LRRC4C: variants seen among roughly 807,000 people sequenced by gnomAD.
LRRC4C encodes leucine rich repeat containing 4C.
In LRRC4C, 5 loss-of-function variants were observed where a neutral mutation model predicts 33.6. The ratio of observed to expected loss-of-function variants is 0.15; its 90% confidence interval spans 0.08 to 0.31. The LOEUF (loss-of-function observed/expected upper bound fraction) is 0.31. LRRC4C is among the 10% of genes least tolerant of loss of function. LRRC4C has a pLI of 1.00. For missense variants in LRRC4C, 560 were observed against 796.7 expected, an observed-to-expected ratio of 0.70 and a Z score of 3.58; for synonymous variants, 329 against 302.0, an observed-to-expected ratio of 1.09 and a Z score of -0.93.
At chr11:41,440,747 G>C (rs555972732) in intron 1 of LRRC4C, among the ~76,000 whole-genome samples, 1 of 152,214 alleles carries the variant, frequency 6.6e-6, no homozygotes, top group South Asian at 2.1e-4. Context: ...CAGTGAGTGA[G>C]TTCTCACGAG....
At chr11:40,775,514 T>C (rs1949956313) in intron 2 of LRRC4C, among the ~76,000 whole-genome samples, 1 of 152,186 alleles carries the variant, frequency 6.6e-6, no homozygotes, top group Non-Finnish European at 1.5e-5. Flanking sequence ...GCATTTTTAG[T>C]TATTTTATTT....
intron 1 of LRRC4C, among the ~76,000 whole-genome samples, chr11:40,981,392 C>T (rs917870834): frequency 2.5e-4 from 37 of 149,880 alleles, no homozygotes; most frequent in Admixed American, 9.3e-4. Flanking sequence ...CCAGCCTGGG[C>T]GACAGAGCAA....
At chr11:40,587,542 C>T (rs1444619903) in intron 3 of LRRC4C, among the ~76,000 whole-genome samples, 1 of 140,372 alleles carries the variant, frequency 7.1e-6, no homozygotes, top group Non-Finnish European at 1.5e-5. Flanking sequence ...GAGGGCATCC[C>T]TGTCTTGTGC....
At chr11:41,064,775 G>A (rs930644498) in intron 1 of LRRC4C, among the ~76,000 whole-genome samples, 41 of 152,238 alleles carry the variant, frequency 2.7e-4, no homozygotes, top group African/African-American at 9.4e-4. Context: ...CACAGAGGGA[G>A]CAGAAGCAGG....
At chr11:40,179,963 T>A (rs1014692427) in intron 5 of LRRC4C, among the ~76,000 whole-genome samples, 1 of 152,178 alleles carries the variant, frequency 6.6e-6, no homozygotes, top group Admixed American at 6.5e-5. Context: ...AATAGATAGA[T>A]GTATCACACT....
chr11:41,209,950 G>C (rs1197761806), intron 1 of LRRC4C, among the ~76,000 whole-genome samples: 1 of 152,118 alleles, frequency 6.6e-6, no homozygotes, highest in African/African-American at 2.4e-5. Flanking sequence ...ACTGTAGGGA[G>C]ACTAAGAGAC....
intron 1 of LRRC4C, among the ~76,000 whole-genome samples, chr11:41,027,321 C>T (rs1045969627): frequency 6.6e-6 from 1 of 151,568 alleles, no homozygotes; most frequent in African/African-American, 2.4e-5. Flanking sequence ...GGTACTTGAC[C>T]TTGGGAAAAC....
intron 1 of LRRC4C, among the ~76,000 whole-genome samples, chr11:41,012,893 G>A (rs938985738): frequency 3.9e-4 from 60 of 152,028 alleles, no homozygotes; most frequent in Admixed American, 3.9e-3. Context: ...GTTCTTTTAA[G>A]AATTGTCTAT....
At chr11:41,002,677 C>T (rs984661471) in intron 1 of LRRC4C, among the ~76,000 whole-genome samples, 1 of 152,068 alleles carries the variant, frequency 6.6e-6, no homozygotes, top group African/African-American at 2.4e-5. Flanking sequence ...TAGTAGCATG[C>T]CTTAATATTT....
At position 40,841,541 on chromosome 11, in the gene LRRC4C, G is replaced by A. The variant is rs553812191; in HGVS notation, c.-407+92094C>T. On this transcript the variant is annotated intron_variant, in intron 2 of 6. Coordinates refer to ENST00000528697, the MANE Select transcript of LRRC4C (RefSeq NM_001258419.2). ...TTCTTTCTCTCAGCCTGCATTTAGGGAAAGGCTGCTTGAGGACACAGCAAG... is the reference window on the plus strand; with the variant it reads ...TTCTTTCTCTCAGCCTGCATTTAGGAAAAGGCTGCTTGAGGACACAGCAAG... 4.6e-5 allele frequency among the ~76,000 whole-genome samples: 7 copies of A among 152,276 alleles called. No individual in the cohort carries two copies. The South Asian group carries it at 1.5e-3, about 32-fold the overall frequency.
intron 2 of LRRC4C, among the ~76,000 whole-genome samples, chr11:40,803,618 T>C (rs991289825): frequency 1.3e-5 from 2 of 152,000 alleles, no homozygotes; most frequent in African/African-American, 4.8e-5. Flanking sequence ...ATTAATGAAT[T>C]TATTTATTTT....
At chr11:41,071,287 A>G (rs2135424074) in intron 1 of LRRC4C, among the ~76,000 whole-genome samples, 1 of 152,124 alleles carries the variant, frequency 6.6e-6, no homozygotes, top group Admixed American at 6.5e-5. Context: ...ATTAGGAAAA[A>G]TACCTAATGG....
chr11:41,439,831 G>GT (rs1955556333), intron 1 of LRRC4C, among the ~76,000 whole-genome samples: 1 of 152,214 alleles, frequency 6.6e-6, no homozygotes, highest in African/African-American at 2.4e-5. Flanking sequence ...GCTTTGATGG[G>GT]TTTTGTTTTG....
intron 2 of LRRC4C, among the ~76,000 whole-genome samples, chr11:40,673,256 G>A (rs940364203): frequency 6.6e-6 from 1 of 151,966 alleles, no homozygotes; most frequent in Non-Finnish European, 1.5e-5. Context: ...ATTAGGAGAA[G>A]GGCAGTTCTC....
At chr11:40,262,049 C>A (rs1289863890) in intron 4 of LRRC4C, among the ~76,000 whole-genome samples, 1 of 152,136 alleles carries the variant, frequency 6.6e-6, no homozygotes, top group African/African-American at 2.4e-5. Flanking sequence ...AGGCAACCTA[C>A]AGAATGGGAG....
intron 1 of LRRC4C, among the ~76,000 whole-genome samples, chr11:41,452,905 A>G (rs1956070424): frequency 6.6e-6 from 1 of 152,122 alleles, no homozygotes; most frequent in African/African-American, 2.4e-5. Flanking sequence ...TACTATTACT[A>G]CTAATGATTA....
intron 2 of LRRC4C, among the ~76,000 whole-genome samples, chr11:40,887,005 C>T (rs1339095400): frequency 2.0e-5 from 3 of 150,138 alleles, no homozygotes; most frequent in Admixed American, 1.3e-4. Context: ...TACACACACA[C>T]ACACACACAC....
At chr11:40,961,214 T>C (rs1254544519) in intron 1 of LRRC4C, among the ~76,000 whole-genome samples, 1 of 151,768 alleles carries the variant, frequency 6.6e-6, no homozygotes, top group South Asian at 2.1e-4. Context: ...ATTGAATTTC[T>C]GAGACAAGAG....
At chr11:41,306,818 A>C (rs1419218741) in intron 1 of LRRC4C, among the ~76,000 whole-genome samples, 3 of 152,224 alleles carry the variant, frequency 2.0e-5, no homozygotes, top group African/African-American at 7.2e-5. Flanking sequence ...CATATCATGC[A>C]CTTATTAAGG....
Sources: allele counts gnomAD v4.1 joint callset (sites outside exome capture counted in the v4.1 genomes callset), GRCh38; gene constraint gnomAD v4.1.1; transcripts MANE v1.5; gene names NCBI Gene and HGNC (gene_info 2026-07-23, HGNC 2026-07-21).